Variants in MAST4 observed in about 807,000 individuals in gnomAD.
MAST4 encodes microtubule-associated serine/threonine-protein kinase 4.
MAST4 carries 89 observed loss-of-function variants against 162.7 expected under a neutral mutation model. The ratio of observed to expected loss-of-function variants is 0.55; its 90% CI spans 0.46 to 0.65. MAST4 has a LOEUF of 0.65. Ranked by LOEUF, MAST4 falls within the 30% of genes least tolerant of loss-of-function variation. MAST4 has a pLI of 0.00. For synonymous variants in MAST4, 1,479 were observed against 1,361.1 expected, an observed-to-expected ratio of 1.09 and a Z score of -1.91; for missense variants, 3,153 against 3,374.0, an observed-to-expected ratio of 0.93 and a Z score of 1.62.
chr5:67,041,061 A>T (rs1441068979), intron 4 of MAST4, among the ~76,000 whole-genome samples: 2 of 152,312 alleles, frequency 1.3e-5, no homozygotes, highest in East Asian at 1.9e-4. Flanking sequence ...TGTCAGTGTT[A>T]GCAGTTATTA....
chr5:66,733,689 C>A (rs1751996139), intron 1 of MAST4, among the ~76,000 whole-genome samples: 1 of 152,092 alleles, frequency 6.6e-6, no homozygotes, highest in South Asian at 2.1e-4. Flanking sequence ...AAACTCCTGA[C>A]CTCAGGTGAG....
chr5:67,133,770 CT>C, intron 17 of MAST4, 124 bp downstream of exon 17: 1 of 1,081,936 alleles, frequency 9.2e-7, no homozygotes, highest in Non-Finnish European at 1.3e-6. Flanking sequence ...CTGTATAAAC[CT>C]TACATTTAAT....
intron 3 of MAST4, among the ~76,000 whole-genome samples, chr5:66,868,534 C>G (rs920295914): frequency 1.4e-5 from 2 of 143,544 alleles, no homozygotes; most frequent in East Asian, 2.1e-4. Flanking sequence ...GTGACTAGTT[C>G]ATTGAAAATT....
chr5:66,923,066 A>C (rs1764650718), intron 4 of MAST4, among the ~76,000 whole-genome samples: 1 of 152,226 alleles, frequency 6.6e-6, no homozygotes. Flanking sequence ...TTTATCTCCT[A>C]GATGGCCAGG....
At chr5:67,078,882 A>T (rs1189889126) in intron 5 of MAST4, among the ~76,000 whole-genome samples, 3 of 95,102 alleles carry the variant, frequency 3.2e-5, no homozygotes, top group African/African-American at 1.3e-4. Context: ...TTATATAAAT[A>T]TATTTATATA....
intron 4 of MAST4, chr5:66,963,660 A>G (rs1210593284): frequency 2.6e-6 from 2 of 778,384 alleles, no homozygotes; most frequent in Non-Finnish European, 2.4e-6. Context: ...TGCTATTTTT[A>G]CTGCAATCAA....
At chr5:66,814,507 C>T (rs995570120) in intron 3 of MAST4, among the ~76,000 whole-genome samples, 8 of 152,132 alleles carry the variant, frequency 5.3e-5, no homozygotes, top group African/African-American at 7.2e-5. Flanking sequence ...GGACAGGCTC[C>T]GCATTTCTCA....
intron 11 of MAST4, among the ~76,000 whole-genome samples, chr5:67,111,765 A>G (rs1023881344): frequency 6.6e-6 from 1 of 152,212 alleles, no homozygotes; most frequent in Non-Finnish European, 1.5e-5. Flanking sequence ...AAAGGAGGAA[A>G]TTAACTTTTT....
chr5:66,658,151 G>A (rs902259361), intron 1 of MAST4, among the ~76,000 whole-genome samples: 1 of 152,216 alleles, frequency 6.6e-6, no homozygotes, highest in African/African-American at 2.4e-5. Context: ...AGCGTATAAA[G>A]AGAGCTGAGG....
Position 67,169,257 on chromosome 5 carries a change from C to T in MAST4, c.*2206C>T, listed in dbSNP as rs934662384. The T allele has an allele frequency of 7.2e-5, 11 of 152,062 alleles. No individual in the cohort carries two copies. Among genetic ancestry groups the T allele is most frequent in the African/African-American group, 2.7e-4 (11 of 41,404 alleles). The allele number at this position is 152,062 out of a possible 1,614,324, so 9.4% of individuals were successfully genotyped here. A position where few individuals can be genotyped will look rare whatever the true frequency, so the allele number is the denominator to read the frequency against. On this transcript the variant is annotated 3_prime_UTR_variant, in exon 29 of 29. Coordinates refer to ENST00000403625, the MANE Select transcript of MAST4 (RefSeq NM_001164664.2). ...TTTGTATAGTGTATCATCATTTTTG[C>T]CAAATATGTTTTTCATTATAAATGA...
intron 3 of MAST4, among the ~76,000 whole-genome samples, chr5:66,850,315 G>A (rs1287861150): frequency 6.6e-6 from 1 of 152,188 alleles, no homozygotes; most frequent in East Asian, 1.9e-4. Flanking sequence ...AAAATGAACT[G>A]AAGTTATCAA....
chr5:66,839,894 G>A (rs1256049832), intron 3 of MAST4, among the ~76,000 whole-genome samples: 2 of 150,760 alleles, frequency 1.3e-5, no homozygotes, highest in Non-Finnish European at 3.0e-5. Flanking sequence ...CAGTTTTCTT[G>A]CACTCTGTTT....
intron 4 of MAST4, among the ~76,000 whole-genome samples, chr5:66,948,430 T>G (rs1427373037): frequency 1.3e-5 from 2 of 152,158 alleles, no homozygotes; most frequent in Non-Finnish European, 2.9e-5. Context: ...TATCCAAACA[T>G]GTGCTCTTAT....
intron 3 of MAST4, chr5:66,870,990 T>TCTCTATTAA (rs528049110): frequency 2.4e-4 from 90 of 373,124 alleles, no homozygotes; most frequent in African/African-American, 1.7e-3. Flanking sequence ...GTCAAAGTCT[T>TCTCTATTAA]CTCTATTAAA....
chr5:67,029,980 T>G (rs1755110222), intron 4 of MAST4, among the ~76,000 whole-genome samples: 1 of 152,106 alleles, frequency 6.6e-6, no homozygotes, highest in African/African-American at 2.4e-5. Context: ...CTAAATTATA[T>G]ACTTAAATTT....
intron 9 of MAST4, among the ~76,000 whole-genome samples, chr5:67,103,200 A>T (rs1765220825): frequency 6.6e-6 from 1 of 152,210 alleles, no homozygotes; most frequent in South Asian, 2.1e-4. Flanking sequence ...GGCTGCAAGG[A>T]CCTGCTCTCA....
In MAST4 at chr5:67,019,258, G is replaced by T. The variant is rs1753684242; in HGVS notation, c.675-35146G>T. ...ATTAATGCGCAGCTGCACCCATTGT[G>T]GGCATGTCCACAGCCGGCTTCCTGG... On this transcript the variant is annotated intron_variant, in intron 4 of 28. Transcript: ENST00000403625. 2.0e-5 allele frequency among the ~76,000 whole-genome samples: 3 copies of T among 152,216 alleles called. No homozygotes were observed. The South Asian group carries it at 6.2e-4, about 32-fold the overall frequency.
chr5:66,910,989 G>A (rs890838597), intron 4 of MAST4, among the ~76,000 whole-genome samples: 3 of 152,102 alleles, frequency 2.0e-5, no homozygotes, highest in Middle Eastern at 3.4e-3. Context: ...TTTGTGATCC[G>A]CCCACATTGG....
At chr5:66,785,726 T>A (rs1229224205) in intron 2 of MAST4, among the ~76,000 whole-genome samples, 1 of 152,214 alleles carries the variant, frequency 6.6e-6, no homozygotes, top group Non-Finnish European at 1.5e-5. Flanking sequence ...TCCCTGCATT[T>A]CAGTCAACAA....
Sources: allele counts gnomAD v4.1 joint callset (sites outside exome capture counted in the v4.1 genomes callset), GRCh38; gene constraint gnomAD v4.1.1; transcripts MANE v1.5; gene names NCBI Gene and HGNC (gene_info 2026-07-23, HGNC 2026-07-21).